Variants in ANXA8 observed in about 807,000 individuals in gnomAD.
The protein encoded by ANXA8 is annexin A8.
ANXA8 carries 9 observed loss-of-function variants against 26.8 expected under a neutral mutation model. That is an observed-to-expected ratio of 0.34 (90% CI 0.20 to 0.59). The LOEUF is 0.59. Ranked by LOEUF, ANXA8 falls within the 20% of genes least tolerant of loss-of-function variation. The pLI, the probability that ANXA8 is intolerant of heterozygous loss-of-function variation, is 0.84. For synonymous variants in ANXA8, 39 were observed against 94.8 expected (o/e 0.41, Z 3.42); for missense variants, 83 against 238.5 (o/e 0.35, Z 4.29).
the ANXA8 span, chr10:47,751,081 A>G: frequency 2.0e-5 from 3 of 151,210 alleles, no homozygotes; most frequent in East Asian, 3.9e-4. Context: ...TAAAAATCCT[A>G]TAACAACCAT....
At chr10:47,707,175 CAAAAA>C in the ANXA8 span, among the ~76,000 whole-genome samples, 25 of 133,898 alleles carry the variant, frequency 1.9e-4, no homozygotes, top group African/African-American at 3.9e-4. Flanking sequence ...CTCAAAAAAA[CAAAAA>C]AAAACAAAAA....
At chr10:47,670,078 T>C in the ANXA8 span, among the ~76,000 whole-genome samples, 4 of 151,880 alleles carry the variant, frequency 2.6e-5, no homozygotes, top group Admixed American at 6.6e-5. Context: ...TGGATTTGCC[T>C]TTTGTGGATA....
At chr10:47,485,370 T>C (rs1840015957), upstream of ANXA8, among the ~76,000 whole-genome samples, 1 of 151,794 alleles carries the variant, frequency 6.6e-6, no homozygotes, top group Non-Finnish European at 1.5e-5. Context: ...CCACCAACAA[T>C]GTGCTTGTGC....
chr10:47,969,641 G>A, the ANXA8 span, among the ~76,000 whole-genome samples: 21 of 146,454 alleles, frequency 1.4e-4, no homozygotes, highest in African/African-American at 4.9e-5. Flanking sequence ...CCCTTCCACC[G>A]AAGGGCCCCT....
chr10:47,484,292 T>G, upstream of ANXA8: 2 of 648,214 alleles, frequency 3.1e-6, no homozygotes, highest in Non-Finnish European at 5.7e-6. Flanking sequence ...CCATGTTGAT[T>G]AGGCTGGTCT....
the ANXA8 span, among the ~76,000 whole-genome samples, chr10:47,932,691 GCTCTCT>G: frequency 4.5e-5 from 4 of 88,038 alleles, no homozygotes; most frequent in East Asian, 2.6e-4. Flanking sequence ...CAAAGAGCAT[GCTCTCT>G]CTCTCTCTCT....
the ANXA8 span, among the ~76,000 whole-genome samples, chr10:47,989,445 G>A: frequency 9.2e-6 from 1 of 108,316 alleles, no homozygotes; most frequent in African/African-American, 3.1e-5. Flanking sequence ...AGCAGCTCCC[G>A]GGCTGGTTCT....
chr10:47,565,627 G>T, the ANXA8 span: 1 of 328,608 alleles, frequency 3.0e-6, no homozygotes, highest in Non-Finnish European at 5.5e-6. Context: ...CGCGCGGCCT[G>T]AACTTCGGCT....
the ANXA8 span, among the ~76,000 whole-genome samples, chr10:47,732,923 G>T: frequency 2.0e-5 from 3 of 148,730 alleles, no homozygotes; most frequent in African/African-American, 7.4e-5. Context: ...TTATATCAGC[G>T]CCAGGATTAA....
chr10:47,941,729 C>T, the ANXA8 span, among the ~76,000 whole-genome samples: 4 of 147,804 alleles, frequency 2.7e-5, no homozygotes, highest in African/African-American at 1.0e-4. Context: ...GAGAGGGAAG[C>T]CACTATGTTT....
At chr10:47,666,135 T>C in the ANXA8 span, among the ~76,000 whole-genome samples, 1 of 149,148 alleles carries the variant, frequency 6.7e-6, no homozygotes, top group Non-Finnish European at 1.5e-5. Flanking sequence ...GTTTTTCCTA[T>C]TTCTCTTGGA....
the ANXA8 span, among the ~76,000 whole-genome samples, chr10:47,497,731 A>T: frequency 2.0e-5 from 3 of 149,270 alleles, no homozygotes; most frequent in African/African-American, 7.3e-5. Flanking sequence ...TGAAGTCAGG[A>T]GTTCAAGACC....
chr10:47,561,069 A>AT, the ANXA8 span, among the ~76,000 whole-genome samples: 12 of 151,616 alleles, frequency 7.9e-5, no homozygotes, highest in Non-Finnish European at 1.0e-4. Flanking sequence ...AAGCCTTTCA[A>AT]TTTTTTTATT....
chr10:47,525,842 T>A, the ANXA8 span, among the ~76,000 whole-genome samples: 1 of 126,022 alleles, frequency 7.9e-6, no homozygotes, highest in Non-Finnish European at 1.7e-5. Flanking sequence ...TTCGTTCTTG[T>A]TGCCCAGGCT....
chr10:47,669,831 A>AT, the ANXA8 span, among the ~76,000 whole-genome samples: 2 of 151,868 alleles, frequency 1.3e-5, no homozygotes, highest in Admixed American at 6.6e-5. Context: ...CTTATTTCTA[A>AT]TTTTTTTTTT....
the ANXA8 span, chr10:47,565,003 C>G: frequency 1.1e-6 from 1 of 950,932 alleles, no homozygotes; most frequent in African/African-American, 1.6e-5. Flanking sequence ...ACCGTCTGGC[C>G]GGCATCTCCT....
At chr10:47,672,260 T>C in the ANXA8 span, among the ~76,000 whole-genome samples, 10 of 150,498 alleles carry the variant, frequency 6.6e-5, no homozygotes, top group Non-Finnish European at 1.5e-5. Context: ...GAAGAATATC[T>C]GTAATTCCTG....
At chr10:47,653,442 A>G in the ANXA8 span, among the ~76,000 whole-genome samples, 16,105 of 132,600 alleles carry the variant, frequency 0.12, 1,060 homozygotes, top group East Asian at 0.42. Context: ...ATAGTTTGAT[A>G]TGAGAGGCGA....
the ANXA8 span, among the ~76,000 whole-genome samples, chr10:47,608,035 T>G: frequency 6.7e-6 from 1 of 148,362 alleles, no homozygotes; most frequent in Non-Finnish European, 1.5e-5. Context: ...CAAGTAAATA[T>G]AGGGGAGAAG....
Sources: gnomAD v4.1 joint callset for allele counts (sites outside exome capture counted in the v4.1 genomes callset) on GRCh38, gnomAD v4.1.1 for gene constraint, MANE v1.5 for transcripts, NCBI Gene and HGNC (gene_info 2026-07-23, HGNC 2026-07-21) for gene names.